The following ABI2 variants were observed in gnomAD, a reference collection of about 807,000 sequenced individuals.
ABI2 encodes abelson interactor 2.
A neutral mutation model predicts 59.2 loss-of-function variants in ABI2; 25 were observed. The ratio of observed to expected loss-of-function variants is 0.42; its 90% CI spans 0.31 to 0.59. The LOEUF (loss-of-function observed/expected upper bound fraction) is 0.59. Ranked by LOEUF, ABI2 falls within the 20% of genes least tolerant of loss-of-function variation. The probability of loss-of-function intolerance (pLI) is 0.14; values close to 1 mark genes in which losing one functional copy is unlikely to be tolerated. For missense variants in ABI2, 545 were observed against 681.8 expected, an observed-to-expected ratio of 0.80 and a Z score of 2.23; for synonymous variants, 213 against 235.5, an observed-to-expected ratio of 0.90 and a Z score of 0.87.
rs1228477218 is a variant in ABI2 at position 203,430,424 on chromosome 2, C to T, written c.*3072C>T. On this transcript the variant is annotated 3_prime_UTR_variant, in exon 12 of 12. Coordinates refer to ENST00000261018, the MANE Select transcript of ABI2 (RefSeq NM_001375670.1). ...CCCCTTAAAAAAAATGAATAGTTGT[C>T]TTTTCTTGTCATATTAATACTCGAA... The T allele has an allele frequency of 3.9e-5, 6 of 152,218 alleles. No individual in the cohort carries two copies. Among genetic ancestry groups the T allele is most frequent in the South Asian group, 2.1e-4 (1 of 4,802 alleles). The allele number at this position is 152,218 out of a possible 1,614,324, so 9.4% of individuals were successfully genotyped here.
At chr2:203,426,702 G>C (rs1337440281) in intron 11 of ABI2, among the ~76,000 whole-genome samples, 1 of 150,214 alleles carries the variant, frequency 6.7e-6, no homozygotes, top group Non-Finnish European at 1.5e-5. Flanking sequence ...ACAGAAATCT[G>C]CTGTTCCATT....
chr2:203,349,835 A>G (rs2086517207), intron 1 of ABI2, among the ~76,000 whole-genome samples: 1 of 152,054 alleles, frequency 6.6e-6, no homozygotes, highest in Non-Finnish European at 1.5e-5. Context: ...GAGTAATTTC[A>G]TAACATATAA....
chr2:203,396,877 G>A lies in ABI2; in HGVS notation c.943G>A (p.Ala315Thr), dbSNP rs1421613253. Residue 315 changes from alanine (A) to threonine (T), a missense_variant, in exon 8 of 12, where the codon GCC becomes ACC. Physicochemically the swap from Ala to Thr is moderately conservative, Grantham distance 58 (BLOSUM62 0). Around this residue, in one of 4 missense-constraint regions of ABI2, gnomAD observed 410 missense variants for 435.6 expected, o/e 0.94. Coordinates refer to ENST00000261018, the MANE Select transcript of ABI2 (RefSeq NM_001375670.1). ...LVPATVPSST[A>T]PDAAAGGAQT... The stretch of plus-strand genomic sequence containing the variant: ...TCCTGCTACTGTCCCTTCCTCCACT[G>A]CCCCAGACGCTGCTGCTGGGGGTGC... 6 of 1,533,874 alleles carry A rather than the reference G, an allele frequency of 3.9e-6. No individual in the cohort carries two copies. The Admixed American group carries it at 7.9e-5, about 20-fold the overall frequency.
chr2:203,335,473 G>C (rs549034824), intron 1 of ABI2, among the ~76,000 whole-genome samples: 1 of 152,204 alleles, frequency 6.6e-6, no homozygotes, highest in South Asian at 2.1e-4. Context: ...TGTTGCTCCG[G>C]CTGGTCTTGG....
At chr2:203,391,554 C>T (rs777732462) in intron 5 of ABI2, among the ~76,000 whole-genome samples, 1 of 152,088 alleles carries the variant, frequency 6.6e-6, no homozygotes, top group Admixed American at 6.5e-5. Flanking sequence ...TGGCTCATGC[C>T]TGTAATTCCC....
chr2:203,339,620 A>G (rs1228214075), intron 1 of ABI2, among the ~76,000 whole-genome samples: 1 of 151,774 alleles, frequency 6.6e-6, no homozygotes, highest in Non-Finnish European at 1.5e-5. Context: ...AAGAAAACCC[A>G]GTTCTCCCTA....
At chr2:203,335,607 T>C (rs2076102271) in intron 1 of ABI2, among the ~76,000 whole-genome samples, 1 of 152,246 alleles carries the variant, frequency 6.6e-6, no homozygotes, top group African/African-American at 2.4e-5. Flanking sequence ...TAAATTTACC[T>C]TGCAAGTTTT....
chr2:203,342,839 T>C (rs896356431), intron 1 of ABI2, among the ~76,000 whole-genome samples: 2 of 151,032 alleles, frequency 1.3e-5, no homozygotes, highest in Non-Finnish European at 2.9e-5. Flanking sequence ...ATAATGTCTA[T>C]ACACACACAC....
intron 2 of ABI2, among the ~76,000 whole-genome samples, chr2:203,376,702 G>A (rs1487885834): frequency 1.9e-5 from 2 of 104,118 alleles, no homozygotes; most frequent in African/African-American, 6.8e-5. Flanking sequence ...TAGGCTTATT[G>A]TTATCTTTCT....
intron 1 of ABI2, among the ~76,000 whole-genome samples, chr2:203,362,101 G>T (rs1050323624): frequency 2.6e-5 from 4 of 152,178 alleles, no homozygotes; most frequent in Non-Finnish European, 5.9e-5. Flanking sequence ...CTGGACCCTG[G>T]ATGACATAGT....
intron 1 of ABI2, among the ~76,000 whole-genome samples, chr2:203,363,505 C>CTCT (rs2093848917): frequency 6.6e-6 from 1 of 151,766 alleles, no homozygotes. Flanking sequence ...TTCCCTCTAC[C>CTCT]TCCTCCTGTC....
intron 8 of ABI2, among the ~76,000 whole-genome samples, chr2:203,399,020 GT>G (rs995034992): frequency 2.1e-3 from 316 of 152,000 alleles, no homozygotes; most frequent in African/African-American, 7.3e-3. Flanking sequence ...TACATACAGG[GT>G]TTTTTTTGTG....
intron 1 of ABI2, among the ~76,000 whole-genome samples, chr2:203,344,888 A>G (rs1484414986): frequency 1.3e-5 from 2 of 152,194 alleles, no homozygotes; most frequent in Non-Finnish European, 2.9e-5. Context: ...AAATGCACCA[A>G]TAAGCACTCT....
At chr2:203,345,165 C>T (rs2082496256) in intron 1 of ABI2, among the ~76,000 whole-genome samples, 1 of 152,214 alleles carries the variant, frequency 6.6e-6, no homozygotes. Context: ...GTAACACTCA[C>T]ATTGAAGGTC....
At chr2:203,395,075 A>G in intron 6 of ABI2, 1 of 714,148 alleles carries the variant, frequency 1.4e-6, no homozygotes, top group Non-Finnish European at 2.5e-6. Context: ...TCCAAGTTTT[A>G]AGAGTTCAGT....
At chr2:203,417,735 T>C (rs2097960728) in intron 11 of ABI2, among the ~76,000 whole-genome samples, 1 of 152,216 alleles carries the variant, frequency 6.6e-6, no homozygotes, top group African/African-American at 2.4e-5. Context: ...AAAGAAATAA[T>C]AGGCTTCCAC....
At chr2:203,389,315 T>G (rs548137084) in intron 4 of ABI2, among the ~76,000 whole-genome samples, 1 of 152,238 alleles carries the variant, frequency 6.6e-6, no homozygotes, top group Non-Finnish European at 1.5e-5. Flanking sequence ...TGCTTCACTT[T>G]AAAATATTGA....
intron 1 of ABI2, among the ~76,000 whole-genome samples, chr2:203,344,820 C>A (rs1171562828): frequency 1.3e-5 from 2 of 152,082 alleles, no homozygotes; most frequent in Admixed American, 1.3e-4. Flanking sequence ...GCAAGCGCAC[C>A]AATCTGCACT....
At chr2:203,383,705 C>T (rs1034504768) in intron 4 of ABI2, among the ~76,000 whole-genome samples, 6 of 152,136 alleles carry the variant, frequency 3.9e-5, no homozygotes, top group Non-Finnish European at 7.3e-5. Context: ...GATAAGATCC[C>T]TGAGCTTTTT....
Sources: gnomAD v4.1 joint callset for allele counts (sites outside exome capture counted in the v4.1 genomes callset) on GRCh38, gnomAD v4.1.1 for gene constraint, gnomAD v4.1.1 regional missense constraint, MANE v1.5 for transcripts, NCBI Gene and HGNC (gene_info 2026-07-23, HGNC 2026-07-21) for gene names.